The following PIK3C2G variants were observed in gnomAD, a reference collection of about 807,000 sequenced individuals.
PIK3C2G encodes phosphatidylinositol-4-phosphate 3-kinase catalytic subunit type 2 gamma.
In PIK3C2G, 168 loss-of-function variants were observed where a neutral mutation model predicts 181.1. The observed-to-expected ratio is 0.93, with a 90% confidence interval of 0.82 to 1.05. The LOEUF (loss-of-function observed/expected upper bound fraction) is 1.05. PIK3C2G is among the 50% of genes least tolerant of loss of function. PIK3C2G has a pLI of 0.00. For missense variants in PIK3C2G, 1,869 were observed against 1,732.8 expected (o/e 1.08, Z -1.40); for synonymous variants, 573 against 592.2 (o/e 0.97, Z 0.47).
chr12:18,424,097 C>A, intron 18 of PIK3C2G, 58 bp downstream of exon 18: 1 of 984,058 alleles, frequency 1.0e-6, no homozygotes, highest in Non-Finnish European at 1.6e-6. Context: ...CTCTATGGGG[C>A]AGCTTTAGAG....
chr12:18,456,645 A>G (rs138341760), intron 18 of PIK3C2G, among the ~76,000 whole-genome samples: 1 of 152,282 alleles, frequency 6.6e-6, no homozygotes, highest in Non-Finnish European at 1.5e-5. Flanking sequence ...TTGACAAAGA[A>G]AAGGGAAGAT....
intron 10 of PIK3C2G, among the ~76,000 whole-genome samples, chr12:18,344,118 T>C (rs947430841): frequency 8.5e-5 from 13 of 152,106 alleles, no homozygotes; most frequent in African/African-American, 2.9e-4. Flanking sequence ...CTGGTCAGGA[T>C]CGTTCTTGGT....
chr12:18,331,828 G>A (rs1938006854), intron 8 of PIK3C2G, among the ~76,000 whole-genome samples: 1 of 152,030 alleles, frequency 6.6e-6, no homozygotes, highest in Non-Finnish European at 1.5e-5. Context: ...ATTTTACTGG[G>A]TTGAAAAAGC....
At chr12:18,460,569 G>C (rs900057911) in intron 18 of PIK3C2G, among the ~76,000 whole-genome samples, 1 of 147,820 alleles carries the variant, frequency 6.8e-6, no homozygotes, top group African/African-American at 2.5e-5. Context: ...GCAAGACTCC[G>C]TCTCAAAAAA....
chr12:18,308,002 C>G (rs1264079219), intron 5 of PIK3C2G, among the ~76,000 whole-genome samples: 1 of 151,792 alleles, frequency 6.6e-6, no homozygotes, highest in East Asian at 1.9e-4. Flanking sequence ...TATGACAAGT[C>G]TTGAAAATCT....
At chr12:18,270,100 G>A (rs990057077) in intron 1 of PIK3C2G, among the ~76,000 whole-genome samples, 1 of 151,426 alleles carries the variant, frequency 6.6e-6, no homozygotes, top group African/African-American at 2.4e-5. Context: ...AGTAAAGACA[G>A]GGTTTCACCA....
chr12:18,575,088 T>C (rs1285871565), intron 29 of PIK3C2G, among the ~76,000 whole-genome samples: 3 of 152,158 alleles, frequency 2.0e-5, no homozygotes, highest in South Asian at 4.1e-4. Flanking sequence ...TCCTAGGTCA[T>C]AGGGGTCCTA....
intron 24 of PIK3C2G, among the ~76,000 whole-genome samples, chr12:18,532,020 A>C (rs1943581212): frequency 6.6e-6 from 1 of 152,200 alleles, no homozygotes; most frequent in South Asian, 2.1e-4. Flanking sequence ...TCCAGTTTCT[A>C]CACATCTTTG....
chr12:18,606,847 T>A (rs971645022), intron 30 of PIK3C2G, among the ~76,000 whole-genome samples: 2 of 152,126 alleles, frequency 1.3e-5, no homozygotes, highest in African/African-American at 4.8e-5. Flanking sequence ...CTATAAATTA[T>A]GTTTAATCCT....
chr12:18,379,630 C>A (rs1363202642), intron 13 of PIK3C2G, among the ~76,000 whole-genome samples: 1 of 152,210 alleles, frequency 6.6e-6, no homozygotes, highest in Admixed American at 6.5e-5. Context: ...ATCCTTTGCC[C>A]TGGTGACTTC....
At chr12:18,463,174 C>T (rs1455070292) in intron 18 of PIK3C2G, among the ~76,000 whole-genome samples, 4 of 152,044 alleles carry the variant, frequency 2.6e-5, no homozygotes, top group East Asian at 1.9e-4. Flanking sequence ...ATCAGATTTG[C>T]TTTAGTTATT....
chr12:18,526,907 G>A (rs1943267426), intron 24 of PIK3C2G, among the ~76,000 whole-genome samples: 1 of 152,006 alleles, frequency 6.6e-6, no homozygotes, highest in Admixed American at 6.6e-5. Context: ...CTTTTGAATA[G>A]CTCCCTTATA....
intron 18 of PIK3C2G, among the ~76,000 whole-genome samples, chr12:18,435,785 C>A (rs1161524290): frequency 6.6e-6 from 1 of 151,986 alleles, no homozygotes; most frequent in Non-Finnish European, 1.5e-5. Context: ...CCTTGTCTGT[C>A]TATATAGAAT....
chr12:18,724,626 T>A, the PIK3C2G span, among the ~76,000 whole-genome samples: 1 of 152,066 alleles, frequency 6.6e-6, no homozygotes, highest in Admixed American at 6.6e-5. Flanking sequence ...AATTATATAA[T>A]CTTAAAGTAA....
rs777410714 is a variant in PIK3C2G at position 18,391,150 on chromosome 12, A to G, written c.2024A>G (p.Tyr675Cys). The G allele has an allele frequency of 1.2e-6, 2 of 1,608,872 alleles. No homozygotes were observed. Among genetic ancestry groups the G allele is most frequent in the South Asian group, 2.2e-5 (2 of 90,352 alleles). Residue 675 changes from tyrosine (Y) to cysteine (C), a missense_variant, in exon 15 of 33, where the codon TAT (tyrosine) becomes TGT (cysteine). Physicochemically the swap from Tyr to Cys is radical, Grantham distance 194. Coordinates refer to ENST00000538779, the MANE Select transcript of PIK3C2G (RefSeq NM_001288772.2). ...GATTTTCCAGCTACTGGGTGGGAGT[A>G]TATGAAACCTGATTCTGAAGAGAAT... ...QIDFPATGWE[Y>C]MKPDSEENRS...
chr12:18,648,581 G>A (rs1313389474), downstream of PIK3C2G, among the ~76,000 whole-genome samples: 1 of 151,810 alleles, frequency 6.6e-6, no homozygotes, highest in East Asian at 1.9e-4. Flanking sequence ...TTCAATTGTT[G>A]GAAGAAACTT....
chr12:18,304,669 T>C (rs536687578), intron 5 of PIK3C2G, among the ~76,000 whole-genome samples: 1 of 152,354 alleles, frequency 6.6e-6, no homozygotes, highest in South Asian at 2.1e-4. Context: ...AGTCATAATA[T>C]ATACAGTTTT....
At chr12:18,437,788 A>G (rs1215340435) in intron 18 of PIK3C2G, among the ~76,000 whole-genome samples, 1 of 151,994 alleles carries the variant, frequency 6.6e-6, no homozygotes, top group Non-Finnish European at 1.5e-5. Flanking sequence ...TACACAAGAC[A>G]GTCTAGATAA....
chr12:18,359,910 T>C (rs1439764827), intron 11 of PIK3C2G, among the ~76,000 whole-genome samples: 1 of 152,152 alleles, frequency 6.6e-6, no homozygotes, highest in East Asian at 1.9e-4. Context: ...CATTTAGCCA[T>C]GCTGTTGGTT....
Sources: allele counts gnomAD v4.1 joint callset (sites outside exome capture counted in the v4.1 genomes callset), GRCh38; gene constraint gnomAD v4.1.1; transcripts MANE v1.5; gene names NCBI Gene and HGNC (gene_info 2026-07-23, HGNC 2026-07-21).